GRM1: variants seen among roughly 807,000 people sequenced by gnomAD.
GRM1 encodes the protein glutamate metabotropic receptor 1, also known as metabotropic glutamate receptor 1.
GRM1 carries 33 observed loss-of-function variants against 90.9 expected under a neutral mutation model. That is an observed-to-expected ratio of 0.36 (90% CI 0.28 to 0.49). The LOEUF (loss-of-function observed/expected upper bound fraction) is 0.49, where lower values mean the gene tolerates loss of function less well. GRM1 is among the 20% of genes least tolerant of loss of function. GRM1 has a pLI of 0.99. For missense variants in GRM1, 1,190 were observed against 1,534.3 expected (o/e 0.78, Z 3.75); for synonymous variants, 700 against 613.2 (o/e 1.14, Z -2.09).
At chr6:146,218,298 C>A (rs1779944070) in intron 2 of GRM1, among the ~76,000 whole-genome samples, 1 of 152,208 alleles carries the variant, frequency 6.6e-6, no homozygotes, top group African/African-American at 2.4e-5. Context: ...GATTCTTTTA[C>A]ATCCCTTTCA....
chr6:146,098,526 G>A lies in GRM1; in HGVS notation c.701-60822G>A, dbSNP rs149213919. Reference sequence around the variant, plus strand: ...ATAATTGTCACGCCTGTTGTTTTGCGTTAGATGTATAACTAAACGTGTTGT... The same window carrying A: ...ATAATTGTCACGCCTGTTGTTTTGCATTAGATGTATAACTAAACGTGTTGT... On this transcript the variant is annotated intron_variant, in intron 1 of 7. Transcript: ENST00000282753. 3.4e-3 allele frequency among the ~76,000 whole-genome samples: 523 copies of A among 151,990 alleles called. 3 individuals are homozygous for A. Among genetic ancestry groups the A allele is most frequent in the African/African-American group, 0.012 (496 of 41,430 alleles).
chr6:146,141,875 G>C (rs1776890922), intron 1 of GRM1, among the ~76,000 whole-genome samples: 1 of 152,148 alleles, frequency 6.6e-6, no homozygotes, highest in African/African-American at 2.4e-5. Flanking sequence ...TGTCTCTCCA[G>C]GACTGGTTCC....
At chr6:146,268,071 C>T (rs2114812619) in intron 2 of GRM1, among the ~76,000 whole-genome samples, 1 of 152,274 alleles carries the variant, frequency 6.6e-6, no homozygotes, top group African/African-American at 2.4e-5. Flanking sequence ...CTGATTCATT[C>T]TTGAAATTCA....
At chr6:146,307,165 T>TATTC (rs1194161758) in intron 3 of GRM1, among the ~76,000 whole-genome samples, 2 of 152,234 alleles carry the variant, frequency 1.3e-5, no homozygotes, top group Non-Finnish European at 2.9e-5. Flanking sequence ...ACTGTGTTAG[T>TATTC]ATTCACAGCA....
chr6:146,344,955 G>A (rs534049951), intron 3 of GRM1, among the ~76,000 whole-genome samples: 4 of 152,188 alleles, frequency 2.6e-5, no homozygotes, highest in African/African-American at 7.2e-5. Flanking sequence ...GGGATTCCAG[G>A]CATGCCCCAA....
intron 2 of GRM1, among the ~76,000 whole-genome samples, chr6:146,179,857 C>T (rs548977378): frequency 3.3e-5 from 5 of 150,796 alleles, no homozygotes; most frequent in African/African-American, 1.2e-4. Context: ...TTTATTCCTT[C>T]ATCTTTTAAG....
intron 2 of GRM1, among the ~76,000 whole-genome samples, chr6:146,190,524 A>T (rs1190397113): frequency 6.6e-6 from 1 of 152,172 alleles, no homozygotes; most frequent in Admixed American, 6.5e-5. Context: ...GCCAACACGA[A>T]TTCAGGAGGA....
intron 2 of GRM1, among the ~76,000 whole-genome samples, chr6:146,282,759 G>A (rs900660938): frequency 2.0e-5 from 3 of 152,064 alleles, no homozygotes; most frequent in African/African-American, 7.2e-5. Context: ...AATAAAAAAA[G>A]GATGTAAAAT....
intron 3 of GRM1, among the ~76,000 whole-genome samples, chr6:146,321,643 C>T (rs1438027509): frequency 2.0e-5 from 3 of 151,330 alleles, no homozygotes; most frequent in Non-Finnish European, 3.0e-5. Context: ...TTATGAATCT[C>T]GGTGCTCCTG....
intron 2 of GRM1, among the ~76,000 whole-genome samples, chr6:146,284,630 A>C (rs2114864756): frequency 6.6e-6 from 1 of 152,218 alleles, no homozygotes; most frequent in Non-Finnish European, 1.5e-5. Context: ...TGTTCTTGTG[A>C]TAGTGACAGA....
chr6:146,415,922 C>G (rs1777764990), intron 7 of GRM1, among the ~76,000 whole-genome samples: 1 of 152,082 alleles, frequency 6.6e-6, no homozygotes, highest in African/African-American at 2.4e-5. Context: ...TAATCAAACC[C>G]TGAATTTCTA....
intron 1 of GRM1, among the ~76,000 whole-genome samples, chr6:146,142,630 A>T (rs1033386313): frequency 4.7e-5 from 7 of 148,460 alleles, no homozygotes; most frequent in African/African-American, 1.7e-4. Context: ...TTCCCACCCT[A>T]CCCTCCCTTT....
chr6:146,131,671 T>C (rs1363152477), intron 1 of GRM1, among the ~76,000 whole-genome samples: 1 of 152,194 alleles, frequency 6.6e-6, no homozygotes, highest in Non-Finnish European at 1.5e-5. Context: ...AGTGAATTTA[T>C]TCATTTAACA....
At chr6:146,257,895 A>T (rs1473502883) in intron 2 of GRM1, among the ~76,000 whole-genome samples, 1 of 152,036 alleles carries the variant, frequency 6.6e-6, no homozygotes, top group Non-Finnish European at 1.5e-5. Context: ...GTTTAATCCG[A>T]GCACCTCATG....
chr6:146,314,937 G>T (rs1051242490), intron 3 of GRM1, among the ~76,000 whole-genome samples: 3 of 152,034 alleles, frequency 2.0e-5, no homozygotes, highest in Admixed American at 1.3e-4. Context: ...CAGTGACTGC[G>T]TTTCCGAAAA....
chr6:146,284,895 T>C (rs1782701174), intron 2 of GRM1, among the ~76,000 whole-genome samples: 1 of 152,184 alleles, frequency 6.6e-6, no homozygotes. Flanking sequence ...AAATTTTAGC[T>C]TCATCCAGTC....
chr6:146,055,196 T>C (rs1775442138), intron 1 of GRM1, among the ~76,000 whole-genome samples: 1 of 152,076 alleles, frequency 6.6e-6, no homozygotes, highest in African/African-American at 2.4e-5. Flanking sequence ...TGCCATACTT[T>C]TTGGGAAAAA....
chr6:146,212,327 GA>G lies in GRM1; in HGVS notation c.950+52731del, dbSNP rs779277106. ...GAATAGCAAATAATTAATACTAATT[GA>G]CTATTTTATTCAAACAGGGCTTATC... On this transcript the variant is annotated intron_variant, in intron 2 of 7. Coordinates refer to ENST00000282753, the MANE Select transcript of GRM1 (RefSeq NM_001278064.2). 2.0e-5 allele frequency among the ~76,000 whole-genome samples: 3 copies of G among 152,288 alleles called. No homozygotes were observed. The East Asian group carries it at 5.8e-4, about 29-fold the overall frequency.
intron 7 of GRM1, among the ~76,000 whole-genome samples, chr6:146,400,655 T>C (rs1777125891): frequency 6.6e-6 from 1 of 152,200 alleles, no homozygotes; most frequent in African/African-American, 2.4e-5. Context: ...ATGTAACGTT[T>C]TTTATTTCAA....
Sources: gnomAD v4.1 joint callset for allele counts (sites outside exome capture counted in the v4.1 genomes callset) on GRCh38, gnomAD v4.1.1 for gene constraint, MANE v1.5 for transcripts, NCBI Gene and HGNC (gene_info 2026-07-23, HGNC 2026-07-21) for gene names.